FAM153A: variants seen among roughly 807,000 people sequenced by gnomAD.
The protein encoded by FAM153A is family with sequence similarity 153 member A, also known as protein FAM153A.
A neutral mutation model predicts 48.1 loss-of-function variants in FAM153A; 12 were observed. That is an observed-to-expected ratio of 0.25 (90% CI 0.16 to 0.40). FAM153A has a LOEUF of 0.40. Ranked by LOEUF, FAM153A falls within the 10% of genes least tolerant of loss-of-function variation. The pLI, the probability that FAM153A is intolerant of heterozygous loss-of-function variation, is 1.00. For missense variants in FAM153A, 111 were observed against 345.8 expected (o/e 0.32, Z 5.38); for synonymous variants, 36 against 118.2 (o/e 0.30, Z 4.51).
chr5:177,759,136 C>T (rs1768051254), intron 1 of FAM153A, among the ~76,000 whole-genome samples: 1 of 151,786 alleles, frequency 6.6e-6, no homozygotes, highest in African/African-American at 2.4e-5. Context: ...AAAAAAACAA[C>T]CCCATTAAGA....
At chr5:177,700,422 T>C in the FAM153A span, among the ~76,000 whole-genome samples, 1 of 151,900 alleles carries the variant, frequency 6.6e-6, no homozygotes, top group African/African-American at 2.4e-5. Flanking sequence ...TGATCCTGAA[T>C]ATAGAAAATC....
chr5:177,708,281 C>G (rs991167212), downstream of FAM153A, among the ~76,000 whole-genome samples: 23 of 57,470 alleles, frequency 4.0e-4, 1 homozygote, highest in Non-Finnish European at 2.8e-4. Flanking sequence ...AGCAGAGGTG[C>G]TCTCTTTTTC....
upstream of FAM153A, among the ~76,000 whole-genome samples, chr5:177,757,436 CAATCAATAGA>C (rs1297111543): frequency 4.6e-5 from 5 of 108,306 alleles, no homozygotes; most frequent in Non-Finnish European, 9.7e-5. Flanking sequence ...GAAACTATTC[CAATCAATAGA>C]AAAAGAGAGA....
intron 24 of FAM153A, among the ~76,000 whole-genome samples, chr5:177,716,965 G>GTGTGTGTGTGTGTGTA (rs1759961813): frequency 9.0e-5 from 2 of 22,196 alleles, no homozygotes; most frequent in Admixed American, 1.1e-3. Context: ...TTCCCGCTTA[G>GTGTGTGTGTGTGTGTA]TGTGTGTGTG....
intron 1 of FAM153A, among the ~76,000 whole-genome samples, chr5:177,778,896 G>C (rs1386239663): frequency 8.4e-6 from 1 of 119,368 alleles, no homozygotes; most frequent in Non-Finnish European, 1.8e-5. Flanking sequence ...ACGACTGCTT[G>C]AGCCCAGAAG....
At chr5:177,734,230 A>C (rs531636835) in intron 14 of FAM153A, 150 bp downstream of exon 16, 1 of 454,220 alleles carries the variant, frequency 2.2e-6, no homozygotes, top group East Asian at 4.5e-5. Flanking sequence ...TCTTATCTAG[A>C]AAACCATTTC....
intron 1 of FAM153A, among the ~76,000 whole-genome samples, chr5:177,769,231 A>G (rs1184806839): frequency 1.6e-5 from 1 of 60,948 alleles, no homozygotes; most frequent in Admixed American, 1.8e-4. Flanking sequence ...ACTCCGTCCC[A>G]AAAAAAAAAA....
At chr5:177,701,382 A>G in the FAM153A span, among the ~76,000 whole-genome samples, 1 of 151,758 alleles carries the variant, frequency 6.6e-6, no homozygotes, top group Non-Finnish European at 1.5e-5. Flanking sequence ...TGGGCAACAT[A>G]GTGAAACTTC....
At chr5:177,696,820 T>TC in the FAM153A span, among the ~76,000 whole-genome samples, 37 of 151,736 alleles carry the variant, frequency 2.4e-4, no homozygotes, top group Non-Finnish European at 7.4e-5. Context: ...GCATGAGCCA[T>TC]CGTGCCCAGC....
intron 1 of FAM153A, among the ~76,000 whole-genome samples, chr5:177,772,669 A>G (rs7443972): frequency 0.14 from 1,159 of 8,146 alleles, 176 homozygotes; most frequent in East Asian, 0.87. Flanking sequence ...CAAGGCGGCA[A>G]CGAGGCTGGG....
At position 177,769,101 on chromosome 5, in the gene FAM153A, C is replaced by T. The variant is rs1226048156; in HGVS notation, c.-57+11348G>A. 4.6e-5 allele frequency among the ~76,000 whole-genome samples: 4 copies of T among 87,456 alleles called. 1 individual carries two copies. Among genetic ancestry groups the T allele is most frequent in the Non-Finnish European group, 6.9e-5 (3 of 43,280 alleles). The allele number at this position is 87,456 out of a possible 152,430, so 57.4% of individuals were successfully genotyped here. A position where few individuals can be genotyped will look rare whatever the true frequency, so the allele number is the denominator to read the frequency against. On this transcript the variant is annotated intron_variant, in intron 1 of 8. Transcript: ENST00000393518. ...AAAAAAAAATAGCCGGGCTTTGTGG[C>T]GGGTGCCTGTAGTCCCAGCTACTCC... is the stretch of plus-strand genomic sequence containing the variant.
chr5:177,757,672 C>T (rs1767877323), upstream of FAM153A, among the ~76,000 whole-genome samples: 1 of 151,490 alleles, frequency 6.6e-6, no homozygotes, highest in Non-Finnish European at 1.5e-5. Context: ...GCTGGTTCAA[C>T]ATACGCAAAT....
downstream of FAM153A, chr5:177,706,597 A>C (rs1294707369): frequency 6.6e-6 from 1 of 151,988 alleles, no homozygotes; most frequent in African/African-American, 2.4e-5. Flanking sequence ...TGGCACATGA[A>C]ATTTCATAGT....
At chr5:177,700,684 C>G in the FAM153A span, among the ~76,000 whole-genome samples, 1 of 151,784 alleles carries the variant, frequency 6.6e-6, no homozygotes. Flanking sequence ...CGCCTGTAAT[C>G]CCAGCTACTC....
intron 8 of FAM153A, chr5:177,740,492 G>A (rs935569420): frequency 6.3e-6 from 1 of 157,948 alleles, no homozygotes; most frequent in African/African-American, 3.0e-5. Flanking sequence ...ATTCTGCACT[G>A]TGTATTGGAT....
chr5:177,743,872 T>C (rs774760200), intron 6 of FAM153A, among the ~76,000 whole-genome samples: 82 of 9,504 alleles, frequency 8.6e-3, no homozygotes, highest in Middle Eastern at 0.026. Flanking sequence ...CAGCAGAGAT[T>C]CTGACACAGT....
chr5:177,745,258 A>C, intron 4 of FAM153A: 1 of 49,270 alleles, frequency 2.0e-5, no homozygotes, highest in South Asian at 2.0e-4. Context: ...TCCCTGCCAA[A>C]GTCATTTCCT....
intron 25 of FAM153A, chr5:177,714,020 A>G (rs978392592): frequency 1.3e-5 from 2 of 151,958 alleles, no homozygotes; most frequent in Admixed American, 6.5e-5. Context: ...GATGTATTCT[A>G]TCAACAGTAT....
At chr5:177,746,060 G>GC (rs1233721551) in intron 4 of FAM153A, among the ~76,000 whole-genome samples, 1 of 151,270 alleles carries the variant, frequency 6.6e-6, no homozygotes, top group Non-Finnish European at 1.5e-5. Context: ...CAGTGTAGTA[G>GC]CCCATGGCAT....
Sources: gnomAD v4.1 joint callset for allele counts (sites outside exome capture counted in the v4.1 genomes callset) on GRCh38, gnomAD v4.1.1 for gene constraint, MANE v1.5 for transcripts, NCBI Gene and HGNC (gene_info 2026-07-23, HGNC 2026-07-21) for gene names.